The following DDAH1 variants were observed in gnomAD, a reference collection of about 807,000 sequenced individuals.
The protein encoded by DDAH1 is N(G),N(G)-dimethylarginine dimethylaminohydrolase 1.
A neutral mutation model predicts 28.8 loss-of-function variants in DDAH1; 19 were observed. The observed-to-expected ratio is 0.66, with a 90% CI of 0.46 to 0.97. The LOEUF (loss-of-function observed/expected upper bound fraction) is 0.97. Ranked by LOEUF, DDAH1 falls within the 50% of genes least tolerant of loss-of-function variation. The pLI is 0.00. For missense variants in DDAH1, 326 were observed against 375.9 expected, an observed-to-expected ratio of 0.87 and a Z score of 1.10; for synonymous variants, 153 against 154.4, an observed-to-expected ratio of 0.99 and a Z score of 0.07.
At chr1:85,532,192 T>A (rs1658114411) in intron 1 of DDAH1, among the ~76,000 whole-genome samples, 1 of 152,062 alleles carries the variant, frequency 6.6e-6, no homozygotes, top group Non-Finnish European at 1.5e-5. Flanking sequence ...TTGCAGAGGC[T>A]ACGTGTCAAG....
intron 1 of DDAH1, among the ~76,000 whole-genome samples, chr1:85,432,329 G>A (rs1004514381): frequency 6.6e-6 from 1 of 152,178 alleles, no homozygotes; most frequent in African/African-American, 2.4e-5. Context: ...GCTAGCTAGT[G>A]ATAAATCAAT....
intron 1 of DDAH1, among the ~76,000 whole-genome samples, chr1:85,444,928 C>T (rs1654365234): frequency 6.6e-6 from 1 of 151,818 alleles, no homozygotes; most frequent in Admixed American, 6.6e-5. Flanking sequence ...CCACAATAGG[C>T]CATTGGTAGG....
At chr1:85,557,243 G>A (rs1378614261) in intron 1 of DDAH1, among the ~76,000 whole-genome samples, 1 of 152,174 alleles carries the variant, frequency 6.6e-6, no homozygotes, top group African/African-American at 2.4e-5. Context: ...TATATCTCCT[G>A]TGTTAAGTAC....
intron 1 of DDAH1, chr1:85,404,257 C>T: frequency 1.2e-6 from 1 of 856,292 alleles, no homozygotes; most frequent in Non-Finnish European, 1.7e-6. Flanking sequence ...GAATCCACTT[C>T]TTAGAAGATG....
intron 4 of DDAH1, among the ~76,000 whole-genome samples, chr1:85,343,842 A>AT (rs1328972605): frequency 2.0e-5 from 3 of 152,202 alleles, no homozygotes; most frequent in Non-Finnish European, 2.9e-5. Context: ...TAACATGGAC[A>AT]TTTTTGGACA....
chr1:85,571,487 T>C (rs1659451540), intron 1 of DDAH1, among the ~76,000 whole-genome samples: 1 of 152,248 alleles, frequency 6.6e-6, no homozygotes, highest in African/African-American at 2.4e-5. Flanking sequence ...GCTGCACGGC[T>C]TCTAGAGCTT....
At chr1:85,373,833 C>T (rs1650516355) in intron 1 of DDAH1, among the ~76,000 whole-genome samples, 1 of 151,966 alleles carries the variant, frequency 6.6e-6, no homozygotes, top group South Asian at 2.1e-4. Flanking sequence ...AGGATTGCAA[C>T]TATTTTTTTT....
At chr1:85,430,497 C>T (rs1338511916) in intron 1 of DDAH1, among the ~76,000 whole-genome samples, 4 of 152,088 alleles carry the variant, frequency 2.6e-5, no homozygotes, top group Admixed American at 2.6e-4. Flanking sequence ...GGCAGTATGG[C>T]CATTTTGACG....
In DDAH1 at chr1:85,566,774, A is replaced by G. The variant is rs184071987; in HGVS notation, c.-123+11210T>C. Among the ~76,000 whole-genome samples the G allele has an allele frequency of 1.0e-3, 158 of 151,552 alleles. 1 individual carries two copies. The highest frequency in any genetic ancestry group is 1.7e-3 in the South Asian group (8 of 4,796). On this transcript the variant is annotated intron_variant, in intron 1 of 6. Transcript: ENST00000426972. ...ACCAGAAAAATGTATGTATGTATAT[A>G]TGTGTGTGTGTGTGTACATGTGTGT...
Position 85,559,755 on chromosome 1 carries a change from A to ATCAT in DDAH1, c.-123+18228_-123+18229insATGA, listed in dbSNP as rs1659087932. ...GCAGAAGAAAAGACCAGTGAACATG[A>ATCAT]GGGCATAGCAAATTAGAATATACCC... On this transcript the variant is annotated intron_variant, in intron 1 of 6. Transcript: ENST00000426972. Among the ~76,000 whole-genome samples the ATCAT allele has an allele frequency of 2.6e-5, 4 of 152,088 alleles. No individual in the cohort carries two copies. In the South Asian group the frequency reaches 8.3e-4, roughly 32 times the overall value.
intron 4 of DDAH1, among the ~76,000 whole-genome samples, chr1:85,330,451 A>G (rs950958475): frequency 8.5e-5 from 13 of 152,178 alleles, no homozygotes; most frequent in African/African-American, 3.1e-4. Context: ...GTACTGCTCC[A>G]GTGCTGTATG....
intron 2 of DDAH1, among the ~76,000 whole-genome samples, chr1:85,471,909 T>A (rs1655632120): frequency 6.6e-6 from 1 of 152,194 alleles, no homozygotes; most frequent in Non-Finnish European, 1.5e-5. Context: ...CAGAAAACAA[T>A]GCCCCAAAAT....
chr1:85,327,038 C>G (rs1647448138), intron 4 of DDAH1, among the ~76,000 whole-genome samples: 1 of 152,214 alleles, frequency 6.6e-6, no homozygotes, highest in African/African-American at 2.4e-5. Flanking sequence ...TTTAGTTCTT[C>G]TTATGCAGAT....
At chr1:85,340,810 C>T (rs1246854712) in intron 4 of DDAH1, among the ~76,000 whole-genome samples, 1 of 152,148 alleles carries the variant, frequency 6.6e-6, no homozygotes, top group Non-Finnish European at 1.5e-5. Flanking sequence ...AAGGAAACCC[C>T]GATTTCATTG....
In DDAH1 at chr1:85,464,468, C is replaced by T; in HGVS notation, c.303+275G>A. ...TTTAATTTTCACAAATAAAAATGCC[C>T]GTGAGACGGAATCCCCCGCCCACCC... is the stretch of plus-strand genomic sequence containing the variant. On this transcript the variant is annotated intron_variant, in intron 1 of 5. Transcript: ENST00000284031. This position sits in a 1 kb window ranked among gnomAD's most constrained non-coding sequence, Gnocchi z 4.4. 2 of 1,510,560 alleles carry T rather than the reference C, an allele frequency of 1.3e-6. No homozygotes were observed. The highest frequency in any genetic ancestry group is 1.8e-6 in the Non-Finnish European group (2 of 1,129,830). 93.6% of individuals were successfully genotyped at this position (1,510,560 alleles called of 1,614,324 possible).
intron 1 of DDAH1, among the ~76,000 whole-genome samples, chr1:85,421,622 C>T (rs1456288663): frequency 6.6e-6 from 1 of 152,140 alleles, no homozygotes; most frequent in Non-Finnish European, 1.5e-5. Context: ...CTTCTCTCTC[C>T]CTGAGCCCCT....
chr1:85,575,818 G>C (rs1307185295), intron 1 of DDAH1: 1 of 152,128 alleles, frequency 6.6e-6, no homozygotes, highest in Non-Finnish European at 1.5e-5. Context: ...GAGTGACCTT[G>C]GCTAGTCACT....
At chr1:85,404,427 GC>G in intron 1 of DDAH1, 1 of 1,533,832 alleles carries the variant, frequency 6.5e-7, no homozygotes, top group Non-Finnish European at 8.7e-7. Flanking sequence ...CTTTTGGGAA[GC>G]AGTTCCTCCG....
intron 1 of DDAH1, among the ~76,000 whole-genome samples, chr1:85,520,285 A>G (rs1184739750): frequency 6.6e-6 from 1 of 152,218 alleles, no homozygotes; most frequent in Non-Finnish European, 1.5e-5. Flanking sequence ...TATTTTGAAT[A>G]TTTGTTCAAA....
Sources: gnomAD v4.1 joint callset for allele counts (sites outside exome capture counted in the v4.1 genomes callset) on GRCh38, gnomAD v4.1.1 for gene constraint, Gnocchi (gnomAD v3.1) non-coding constraint, MANE v1.5 for transcripts, NCBI Gene and HGNC (gene_info 2026-07-23, HGNC 2026-07-21) for gene names.